The following ZNF577 variants were observed in gnomAD, a reference collection of about 807,000 sequenced individuals.
ZNF577 encodes zinc finger protein 577.
In ZNF577, 14 loss-of-function variants were observed where a neutral mutation model predicts 13.9. That is an observed-to-expected ratio of 1.00 (90% CI 0.66 to 1.57). The LOEUF is 1.57. Among genes scored for constraint, ZNF577 ranks in the 40% most tolerant of loss-of-function variants. The pLI is 0.00. For missense variants in ZNF577, 555 were observed against 579.2 expected (o/e 0.96, Z 0.43); for synonymous variants, 203 against 202.9 (o/e 1.00, Z 0.00).
intron 10 of ZNF577, among the ~76,000 whole-genome samples, chr19:51,808,612 C>G (rs2084076424): frequency 1.3e-5 from 2 of 152,118 alleles, no homozygotes; most frequent in South Asian, 4.1e-4. Context: ...ATAGAAGGCA[C>G]AGAGAATGCA....
chr19:51,866,049 A>T (rs988020377), downstream of ZNF577, among the ~76,000 whole-genome samples: 2 of 151,920 alleles, frequency 1.3e-5, no homozygotes, highest in African/African-American at 4.8e-5. Flanking sequence ...CGGGAGGCAG[A>T]GATTGCAGTG....
intron 5 of ZNF577, among the ~76,000 whole-genome samples, chr19:51,876,445 G>A (rs1020099483): frequency 6.6e-6 from 1 of 151,160 alleles, no homozygotes; most frequent in South Asian, 2.1e-4. Context: ...AGGAGAATCA[G>A]CAGAAGATAA....
rs2084706861 is a variant in ZNF577, at chr19:51,873,718, T to C, written c.284-12A>G. ...CTGGATTACAAAACCTAAATGAGAT[T>C]TCAAACTTTTACAATGCGAGCCAAA... is the stretch of plus-strand genomic sequence containing the variant. On this transcript the variant is annotated splice_polypyrimidine_tract_variant and intron_variant, in intron 5 of 5. Coordinates refer to ENST00000638348, the MANE Select transcript of ZNF577 (RefSeq NM_001370449.1). 1 of 1,583,166 alleles carries C rather than the reference T, an allele frequency of 6.3e-7. No individual in the cohort carries two copies. Among genetic ancestry groups the C allele is most frequent in the African/African-American group, 1.4e-5 (1 of 73,906 alleles).
intron 5 of ZNF577, among the ~76,000 whole-genome samples, chr19:51,854,835 T>G (rs2084401980): frequency 6.6e-6 from 1 of 152,176 alleles, no homozygotes; most frequent in African/African-American, 2.4e-5. Context: ...TTTTTCACTT[T>G]TTTTCTGTTT....
intron 5 of ZNF577, among the ~76,000 whole-genome samples, chr19:51,858,368 C>T (rs1017528396): frequency 6.6e-6 from 1 of 152,166 alleles, no homozygotes; most frequent in Non-Finnish European, 1.5e-5. Flanking sequence ...TTCCATACTA[C>T]TTAGGGTAGG....
chr19:51,883,344 T>C (rs113721831), intron 1 of ZNF577, among the ~76,000 whole-genome samples: 2 of 152,036 alleles, frequency 1.3e-5, no homozygotes, highest in African/African-American at 4.8e-5. Context: ...AGGTTGGTCT[T>C]GAACTCTTGG....
chr19:51,877,303 C>T lies in ZNF577; in HGVS notation c.262G>A (p.Ala88Thr). Residue 88 changes from alanine (A) to threonine (T), a missense_variant, in exon 5 of 6, where the codon GCC (alanine) becomes ACC (threonine). By Grantham distance (58) the Ala-to-Thr change is moderately conservative. Transcript: ENST00000638348. ...GEPPGIAEGA[A>T]HSQICPGFVI... ...TTACCTGGACAGATTTGACTGTGGG[C>T]TGCTCCTTCTGCTATCCCTGGGGGT... 2 of 1,614,080 alleles carry T rather than the reference C, an allele frequency of 1.2e-6. No homozygotes were observed. The highest frequency in any genetic ancestry group is 1.7e-6 in the Non-Finnish European group (2 of 1,179,962).
At chr19:51,807,778 C>T (rs1205151826) in intron 10 of ZNF577, among the ~76,000 whole-genome samples, 1 of 152,218 alleles carries the variant, frequency 6.6e-6, no homozygotes, top group Non-Finnish European at 1.5e-5. Flanking sequence ...GTTTGCCAGG[C>T]AGTCGACATT....
intron 10 of ZNF577, among the ~76,000 whole-genome samples, chr19:51,805,725 G>A (rs73579493): frequency 0.031 from 4,729 of 152,218 alleles, 263 homozygotes; most frequent in African/African-American, 0.11. Context: ...TACGTACTGA[G>A]CCGTTTGAAC....
Position 51,824,221 on chromosome 19 carries a change from T to C in ZNF577, c.*600-12547A>G. ...TGGATTTTCACCATAGTCCTTACCT[T>C]ACCAAATTTCATCTTCTGGACTACA... On this transcript the variant is annotated intron_variant and NMD_transcript_variant, in intron 9 of 10. Transcript: ENST00000638827. The surrounding 1 kb of genome is among the most constrained non-coding windows in gnomAD (Gnocchi z 4.7). The C allele has an allele frequency of 6.2e-7, 1 of 1,614,156 alleles. No homozygotes were observed. Among genetic ancestry groups the C allele is most frequent in the Non-Finnish European group, 8.5e-7 (1 of 1,180,004 alleles).
intron 9 of ZNF577, among the ~76,000 whole-genome samples, chr19:51,818,194 A>G (rs992579254): frequency 3.9e-5 from 6 of 152,170 alleles, no homozygotes; most frequent in Non-Finnish European, 8.8e-5. Context: ...CATGTCTTCT[A>G]AGACTTAGTA....
chr19:51,880,971 C>T (rs2084853097), intron 1 of ZNF577, 94 bp from the exon 2 acceptor site: 1 of 152,868 alleles, frequency 6.5e-6, no homozygotes, highest in African/African-American at 2.4e-5. Flanking sequence ...ACATCAGGTT[C>T]CAATATTTCA....
rs78802977 is a variant in ZNF577 at position 51,874,488 on chromosome 19, A to T, written c.284-782T>A. ...GAGGCAGAAAAAACTTAGGTGTGAT[A>T]AAAAAAAAAAAATGTAAGAGAAGCT... On this transcript the variant is annotated intron_variant, in intron 5 of 5. Transcript: ENST00000638348. Among the ~76,000 whole-genome samples the T allele has an allele frequency of 6.5e-3, 563 of 86,660 alleles. 1 individual carries two copies. Among genetic ancestry groups the T allele is most frequent in the Admixed American group, 0.015 (119 of 7,814 alleles). The allele number at this position is 86,660 out of a possible 152,430, so 56.9% of individuals were successfully genotyped here. A position where few individuals can be genotyped will look rare whatever the true frequency, so the allele number is the denominator to read the frequency against.
At chr19:51,809,985 C>T (rs1324304635) in intron 10 of ZNF577, among the ~76,000 whole-genome samples, 2 of 152,126 alleles carry the variant, frequency 1.3e-5, no homozygotes, top group Non-Finnish European at 2.9e-5. Context: ...CTGATTAGCC[C>T]AGTTATTTCC....
At chr19:51,876,791 G>A (rs1050217674) in intron 5 of ZNF577, among the ~76,000 whole-genome samples, 1 of 151,998 alleles carries the variant, frequency 6.6e-6, no homozygotes, top group Non-Finnish European at 1.5e-5. Flanking sequence ...AGCCGGGCCT[G>A]GTGGCCGGCA....
chr19:51,864,259 C>T (rs941178474), downstream of ZNF577, among the ~76,000 whole-genome samples: 25 of 152,064 alleles, frequency 1.6e-4, no homozygotes, highest in African/African-American at 5.8e-4. Context: ...TTATATGAAG[C>T]TTTAATTACT....
intron 5 of ZNF577, among the ~76,000 whole-genome samples, chr19:51,859,433 T>C (rs1014241063): frequency 6.6e-6 from 1 of 152,190 alleles, no homozygotes; most frequent in African/African-American, 2.4e-5. Flanking sequence ...AGGAATGGCA[T>C]ATTATCATAA....
chr19:51,806,669 G>A (rs2084060958), intron 10 of ZNF577, among the ~76,000 whole-genome samples: 1 of 152,186 alleles, frequency 6.6e-6, no homozygotes, highest in Non-Finnish European at 1.5e-5. Context: ...AGCATGACTA[G>A]TATAAGCAGG....
At chr19:51,806,637 A>T (rs1156937084) in intron 10 of ZNF577, among the ~76,000 whole-genome samples, 1 of 152,234 alleles carries the variant, frequency 6.6e-6, no homozygotes, top group Non-Finnish European at 1.5e-5. Flanking sequence ...GTTATAGCCC[A>T]AAGCTGTAGG....
Sources: gnomAD v4.1 joint callset for allele counts (sites outside exome capture counted in the v4.1 genomes callset) on GRCh38, gnomAD v4.1.1 for gene constraint, Gnocchi (gnomAD v3.1) non-coding constraint, MANE v1.5 for transcripts, NCBI Gene and HGNC (gene_info 2026-07-23, HGNC 2026-07-21) for gene names.